SMAP2: variants seen among roughly 807,000 people sequenced by gnomAD.
The protein encoded by SMAP2 is stromal membrane-associated protein 2.
Under a neutral mutation model 56.4 loss-of-function variants are expected in SMAP2, and 25 were observed. The observed-to-expected ratio is 0.44, with a 90% CI of 0.32 to 0.62. The LOEUF is 0.62. Among genes scored for constraint, SMAP2 ranks in the 20% least tolerant of loss-of-function variants. SMAP2 has a pLI of 0.04. For missense variants in SMAP2, 388 were observed against 545.6 expected, an observed-to-expected ratio of 0.71 and a Z score of 2.88; for synonymous variants, 157 against 181.7, an observed-to-expected ratio of 0.86 and a Z score of 1.09.
At chr1:40,392,246 TGGTC>T (rs1644724277) in intron 1 of SMAP2, among the ~76,000 whole-genome samples, 2 of 152,186 alleles carry the variant, frequency 1.3e-5, no homozygotes, top group Non-Finnish European at 2.9e-5. Context: ...ATTCTGCACT[TGGTC>T]GGGTGCAGAA....
At chr1:40,359,640 G>A (rs1375787972) in intron 1 of SMAP2, among the ~76,000 whole-genome samples, 1 of 151,832 alleles carries the variant, frequency 6.6e-6, no homozygotes, top group African/African-American at 2.4e-5. Flanking sequence ...GGTTTTCTCT[G>A]GTGGTACACT....
At chr1:40,359,280 T>G (rs1279576051) in intron 1 of SMAP2, among the ~76,000 whole-genome samples, 4 of 152,192 alleles carry the variant, frequency 2.6e-5, no homozygotes, top group Admixed American at 2.6e-4. Flanking sequence ...TTTTTGTATT[T>G]TTAGTAGAGA....
chr1:40,350,893 G>A (rs903819552), intron 1 of SMAP2, among the ~76,000 whole-genome samples: 7 of 152,032 alleles, frequency 4.6e-5, no homozygotes, highest in African/African-American at 1.7e-4. Flanking sequence ...ATTTATCTTT[G>A]GATTAAGAAA....
chr1:40,418,959 A>G (rs546449617), intron 9 of SMAP2, among the ~76,000 whole-genome samples: 1 of 152,328 alleles, frequency 6.6e-6, no homozygotes, highest in African/African-American at 2.4e-5. Context: ...ATTTTTGGCA[A>G]AAGAACTGAT....
At chr1:40,376,336 G>C (rs780019883) in intron 1 of SMAP2, among the ~76,000 whole-genome samples, 3 of 152,230 alleles carry the variant, frequency 2.0e-5, no homozygotes, top group Non-Finnish European at 2.9e-5. Context: ...ACTAGTAACT[G>C]CTGGCTTGTA....
chr1:40,355,568 T>A (rs1644431798), intron 1 of SMAP2, among the ~76,000 whole-genome samples: 1 of 152,192 alleles, frequency 6.6e-6, no homozygotes. Context: ...CTTTAAGCTA[T>A]TTTAAAATAT....
chr1:40,359,355 G>A (rs1430321753), intron 1 of SMAP2, among the ~76,000 whole-genome samples: 1 of 152,024 alleles, frequency 6.6e-6, no homozygotes, highest in African/African-American at 2.4e-5. Flanking sequence ...CACCCACCTT[G>A]GCCTCCCAAA....
At chr1:40,399,564 T>C (rs1179601098) in intron 1 of SMAP2, among the ~76,000 whole-genome samples, 5 of 149,556 alleles carry the variant, frequency 3.3e-5, no homozygotes, top group African/African-American at 7.4e-5. Context: ...CAGCTGAGCG[T>C]GGTGGCTCAT....
chr1:40,380,403 T>A (rs1161326892), intron 1 of SMAP2, among the ~76,000 whole-genome samples: 1 of 152,246 alleles, frequency 6.6e-6, no homozygotes, highest in Non-Finnish European at 1.5e-5. Flanking sequence ...TTTTAACTCA[T>A]GTACATTAAT....
At chr1:40,400,657 AAAGG>A (rs1644824152) in intron 1 of SMAP2, among the ~76,000 whole-genome samples, 1 of 152,212 alleles carries the variant, frequency 6.6e-6, no homozygotes, top group Admixed American at 6.5e-5. Context: ...GATGAAGAAA[AAAGG>A]AAGAGATTTT....
chr1:40,403,038 G>A (rs944114434), intron 1 of SMAP2, among the ~76,000 whole-genome samples: 2 of 152,038 alleles, frequency 1.3e-5, no homozygotes, highest in East Asian at 1.9e-4. Context: ...GAACAGGTGA[G>A]GGTTTAAAAA....
intron 1 of SMAP2, among the ~76,000 whole-genome samples, chr1:40,402,369 G>A (rs2124321970): frequency 6.6e-6 from 1 of 152,164 alleles, no homozygotes; most frequent in Middle Eastern, 3.4e-3. Flanking sequence ...CCTATTTTGA[G>A]ATATATGGTA....
In SMAP2 at chr1:40,374,295, C is replaced by T; in HGVS notation, c.103+72C>T. ...GGTGGGGGTGGGCTGCGTGAAGAGG[C>T]GGTTTCTGAAGCTTAGGCCGCCCAA... On this transcript the variant is annotated intron_variant, in intron 1 of 9. Transcript: ENST00000372718. The surrounding 1 kb of genome is among the most constrained non-coding windows in gnomAD (Gnocchi z 5.9). 7.5e-7 allele frequency: 1 copy of T among 1,339,106 alleles called. No individual in the cohort carries two copies. Among genetic ancestry groups the T allele is most frequent in the Non-Finnish European group, 1.1e-6 (1 of 950,880 alleles). 83.0% of individuals were successfully genotyped at this position (1,339,106 alleles called of 1,614,324 possible). A position where few individuals can be genotyped will look rare whatever the true frequency, so the allele number is the denominator to read the frequency against.
intron 1 of SMAP2, among the ~76,000 whole-genome samples, chr1:40,350,130 G>A (rs1644404124): frequency 1.3e-5 from 2 of 152,146 alleles, no homozygotes; most frequent in African/African-American, 4.8e-5. Flanking sequence ...AGTACTCTGA[G>A]GTCATGGAAT....
chr1:40,349,245 G>A (rs734922), intron 1 of SMAP2, among the ~76,000 whole-genome samples: 17,086 of 152,062 alleles, frequency 0.11, 1,003 homozygotes, highest in Middle Eastern at 0.18. Context: ...ATAAAGCTGG[G>A]GTCAAAAATA....
rs1205682012 is a variant in SMAP2, at chr1:40,386,941, C to CT, written c.103+12719dup. Among the ~76,000 whole-genome samples the CT allele has an allele frequency of 6.6e-6, 1 of 150,744 alleles. No homozygotes were observed. Among genetic ancestry groups the CT allele is most frequent in the East Asian group, 1.9e-4 (1 of 5,132 alleles). On this transcript the variant is annotated intron_variant, in intron 1 of 9. Transcript: ENST00000372718. The surrounding 1 kb of genome is among the most constrained non-coding windows in gnomAD (Gnocchi z 4.1). Reference sequence around the variant, plus strand: ...GCACGATCTCAGCTCACTGCAGCCTCTATCAGGCTTAAGCAGTTCTTCTGT... The same window carrying CT: ...GCACGATCTCAGCTCACTGCAGCCTCTTATCAGGCTTAAGCAGTTCTTCTGT...
In SMAP2 at chr1:40,396,825, G is replaced by A. The variant is rs77252283; in HGVS notation, c.104-9911G>A. 458 of 985,068 alleles carry A rather than the reference G, an allele frequency of 4.6e-4. 10 individuals are homozygous for A. In the East Asian group the frequency reaches 0.042, roughly 89 times the overall value. The allele number at this position is 985,068 out of a possible 1,614,324, so 61.0% of individuals were successfully genotyped here. On this transcript the variant is annotated intron_variant, in intron 1 of 9. Coordinates refer to ENST00000372718, the MANE Select transcript of SMAP2 (RefSeq NM_022733.3). ...ACACAATTTTTCCAAGATCCCACTG[G>A]TGTTTCTGTGTATTCTTCCTTTTCA...
chr1:40,351,194 C>T (rs1430789520), intron 1 of SMAP2, among the ~76,000 whole-genome samples: 1 of 152,112 alleles, frequency 6.6e-6, no homozygotes, highest in African/African-American at 2.4e-5. Context: ...CCTCCTTTCT[C>T]GTCATTTGGG....
At chr1:40,361,849 C>T (rs557477865) in intron 1 of SMAP2, among the ~76,000 whole-genome samples, 51 of 152,298 alleles carry the variant, frequency 3.3e-4, no homozygotes, top group African/African-American at 1.2e-3. Context: ...AGGCTTCTGA[C>T]TCCCGGCTTG....
Sources: gnomAD v4.1 joint callset for allele counts (sites outside exome capture counted in the v4.1 genomes callset) on GRCh38, gnomAD v4.1.1 for gene constraint, Gnocchi (gnomAD v3.1) non-coding constraint, MANE v1.5 for transcripts, NCBI Gene and HGNC (gene_info 2026-07-23, HGNC 2026-07-21) for gene names.